KCTD4: variants seen among roughly 807,000 people sequenced by gnomAD.
The protein encoded by KCTD4 is potassium channel tetramerization domain containing 4.
A neutral mutation model predicts 18.3 loss-of-function variants in KCTD4; 12 were observed. That is an observed-to-expected ratio of 0.66 (90% CI 0.42 to 1.06). KCTD4 has a LOEUF of 1.06. Among genes scored for constraint, KCTD4 ranks in the 50% least tolerant of loss-of-function variants. KCTD4 has a pLI of 0.00. For missense variants in KCTD4, 250 were observed against 303.4 expected, an observed-to-expected ratio of 0.82 and a Z score of 1.31; for synonymous variants, 124 against 110.5, an observed-to-expected ratio of 1.12 and a Z score of -0.76.
chr13:45,197,517 A>G (rs939504376), intron 1 of KCTD4, among the ~76,000 whole-genome samples: 29 of 151,254 alleles, frequency 1.9e-4, no homozygotes, highest in African/African-American at 6.3e-4. Context: ...TCCAAAAAAA[A>G]AAAAAAAAAG....
chr13:45,194,519 TC>T lies in KCTD4; in HGVS notation c.48del (p.Lys17AsnfsTer18). 6.2e-7 allele frequency: 1 copy of T among 1,614,142 alleles called. No individual in the cohort carries two copies. Among genetic ancestry groups the T allele is most frequent in the Non-Finnish European group, 8.5e-7 (1 of 1,179,986 alleles). On this transcript the variant is annotated frameshift_variant, in exon 2 of 2. Coordinates refer to ENST00000379108, the MANE Select transcript of KCTD4 (RefSeq NM_198404.3). LOFTEE classifies it high-confidence loss of function. ...TCAGTATCTTCCAGGCTGTTGTGTT[TC>T]CCTTCATACTCCTTTTCTTTTTCTC... ...NRREKEKEYE[G>X]KHNSLEDTDQ...
Position 45,194,039 on chromosome 13 carries a change from T to C in KCTD4, c.529A>G (p.Lys177Glu). Residue 177 changes from lysine to glutamate, a missense_variant, in exon 2 of 2, where the codon AAA becomes GAA. Physicochemically the swap from Lys to Glu is moderately conservative, Grantham distance 56 (BLOSUM62 1). Transcript: ENST00000379108. The part of the protein sequence containing the change: ...KIKSRIVLVS[K>E]SRLDGFPEEF... Reference sequence around the variant, plus strand: ...TCTGGAAATCCATCCAGCCTGCTTTTGGACACCAGAACAATGCGAGACTTT... The same window carrying C: ...TCTGGAAATCCATCCAGCCTGCTTTCGGACACCAGAACAATGCGAGACTTT... 1 of 1,614,182 alleles carries C rather than the reference T, an allele frequency of 6.2e-7. No homozygotes were observed. The highest frequency in any genetic ancestry group is 1.1e-5 in the South Asian group (1 of 91,086).
At chr13:45,200,403 A>C (rs1475076484) in intron 1 of KCTD4, among the ~76,000 whole-genome samples, 2 of 147,630 alleles carry the variant, frequency 1.4e-5, no homozygotes, top group Non-Finnish European at 3.0e-5. Context: ...TCCTGGGCTC[A>C]GGTGATCTTC....
chr13:45,197,935 T>G (rs1007486840), intron 1 of KCTD4, among the ~76,000 whole-genome samples: 1 of 152,226 alleles, frequency 6.6e-6, no homozygotes, highest in South Asian at 2.1e-4. Context: ...CTGGATCCAC[T>G]TGGCCACTAG....
In KCTD4 at chr13:45,194,452, A is replaced by C; in HGVS notation, c.116T>G (p.Val39Gly). 6.2e-7 allele frequency: 1 copy of C among 1,614,066 alleles called. No homozygotes were observed. The highest frequency in any genetic ancestry group is 8.5e-7 in the Non-Finnish European group (1 of 1,179,982). The change falls in exon 2 of 2, where the codon GTT (valine) becomes GGT (glycine). Residue 39 changes from valine (V) to glycine (G), a missense_variant. Physicochemically the swap from Val to Gly is moderately radical, Grantham distance 109. Transcript: ENST00000379108. ...TTGAGTAATGTATAAATATCCACCA[A>C]CGTTGAGGGTCATCAGTGTGGATTT... The part of the protein sequence containing the change: ...NCKSTLMTLN[V>G]GGYLYITQKQ...
chr13:45,198,011 TTCCTAC>T (rs1593486105), intron 1 of KCTD4, among the ~76,000 whole-genome samples: 2 of 152,262 alleles, frequency 1.3e-5, no homozygotes, highest in Non-Finnish European at 2.9e-5. Context: ...GGGGTCCTGT[TTCCTAC>T]TCAGTACCTT....
Position 45,194,254 on chromosome 13 carries a change from C to T in KCTD4, c.314G>A (p.Arg105Gln), listed in dbSNP as rs556514818. 1.3e-5 allele frequency: 21 copies of T among 1,614,102 alleles called. No homozygotes were observed. Among genetic ancestry groups the T allele is most frequent in the South Asian group, 5.5e-5 (5 of 91,082 alleles). ...NGELLLPEGF[R>Q]ENQLLAQEAE... ...TTCTTGTGCAAGAAGTTGATTTTCT[C>T]GAAACCCTTCGGGCAATAGAAGTTC... Residue 105 changes from arginine (R) to glutamine (Q), a missense_variant, in exon 2 of 2, where the codon CGA becomes CAA. Transcript: ENST00000379108.
Position 45,192,866 on chromosome 13 carries a change from C to T in KCTD4, c.*922G>A, listed in dbSNP as rs1872714943. 6.6e-6 allele frequency: 1 copy of T among 152,094 alleles called. No homozygotes were observed. Among genetic ancestry groups the T allele is most frequent in the Non-Finnish European group, 1.5e-5 (1 of 68,014 alleles). 9.4% of individuals were successfully genotyped at this position (152,094 alleles called of 1,614,324 possible). A position where few individuals can be genotyped will look rare whatever the true frequency, so the allele number is the denominator to read the frequency against. ...TACTTAGGATGATTCTGAAAATGAA[C>T]TCCTTTATTATTCTAATAACAGATA... On this transcript the variant is annotated 3_prime_UTR_variant, in exon 2 of 2. Coordinates refer to ENST00000379108, the MANE Select transcript of KCTD4 (RefSeq NM_198404.3).
intron 1 of KCTD4, among the ~76,000 whole-genome samples, chr13:45,195,668 T>A (rs1316276872): frequency 6.6e-6 from 1 of 152,140 alleles, no homozygotes; most frequent in Admixed American, 6.5e-5. Flanking sequence ...CCCTATAACT[T>A]CCCTTCCAAA....
chr13:45,199,696 A>T (rs908015889), intron 1 of KCTD4, among the ~76,000 whole-genome samples: 1 of 152,234 alleles, frequency 6.6e-6, no homozygotes, highest in African/African-American at 2.4e-5. Context: ...TGGGAAGAAG[A>T]TATTTTAAGC....
rs902147734 is a variant in KCTD4, at chr13:45,199,247, T to C, written c.-188+1577A>G. Among the ~76,000 whole-genome samples, 24 of 152,328 alleles carry C rather than the reference T, an allele frequency of 1.6e-4. No individual in the cohort carries two copies. The South Asian group carries it at 2.5e-3, about 16-fold the overall frequency. ...GGAAGCCCAGGAAAATTGCCTACAT[T>C]GGTAAATGTTTTAGCTTCATTTGAG... is the stretch of plus-strand genomic sequence containing the variant. On this transcript the variant is annotated intron_variant, in intron 1 of 1. Transcript: ENST00000379108.
chr13:45,195,360 A>G lies in KCTD4; in HGVS notation c.-187-606T>C, dbSNP rs150196128. On this transcript the variant is annotated intron_variant, in intron 1 of 1. Transcript: ENST00000379108. ...GCTTAAGATTTTCTGTGGAAAATTCATGAACTTGTTTCACTCGGAGCCTGC... is the reference window on the plus strand; with the variant it reads ...GCTTAAGATTTTCTGTGGAAAATTCGTGAACTTGTTTCACTCGGAGCCTGC... Among the ~76,000 whole-genome samples the G allele has an allele frequency of 2.2e-3, 338 of 152,242 alleles. 5 individuals carry two copies. Among genetic ancestry groups the G allele is most frequent in the African/African-American group, 7.7e-3 (319 of 41,530 alleles).
intron 1 of KCTD4, among the ~76,000 whole-genome samples, chr13:45,198,067 C>T (rs1234893209): frequency 1.3e-5 from 2 of 152,228 alleles, no homozygotes; most frequent in Non-Finnish European, 2.9e-5. Context: ...TCTTAGACAG[C>T]TTTAATCATA....
chr13:45,193,759 C>A lies in KCTD4; in HGVS notation c.*29G>T. On this transcript the variant is annotated 3_prime_UTR_variant, in exon 2 of 2. Transcript: ENST00000379108. ...TTTTCCGAAGCTTGCTGGCTGCATG[C>A]TTGTTGCCTTTGTTCGTGACACAGG... 6.5e-7 allele frequency: 1 copy of A among 1,544,158 alleles called. No homozygotes were observed. The highest frequency in any genetic ancestry group is 1.3e-5 in the South Asian group (1 of 78,654).
Position 45,194,766 on chromosome 13 carries a change from C to G in KCTD4, c.-187-12G>C. ...TATGCAGGAGCTTTCTGGAGTAAGA[C>G]GGAAAAGAGAATTTGCATTTAACTG... On this transcript the variant is annotated splice_polypyrimidine_tract_variant and intron_variant, in intron 1 of 1. Transcript: ENST00000379108. 1 of 572,720 alleles carries G rather than the reference C, an allele frequency of 1.7e-6. No homozygotes were observed. The highest frequency in any genetic ancestry group is 3.1e-6 in the Non-Finnish European group (1 of 318,994). 35.5% of individuals were successfully genotyped at this position (572,720 alleles called of 1,614,324 possible).
At position 45,193,316 on chromosome 13, in the gene KCTD4, C is replaced by T. The variant is rs1872728730; in HGVS notation, c.*472G>A. 6.5e-6 allele frequency: 1 copy of T among 154,036 alleles called. No individual in the cohort carries two copies. Among genetic ancestry groups the T allele is most frequent in the African/African-American group, 2.4e-5 (1 of 41,474 alleles). The allele number at this position is 154,036 out of a possible 1,614,324, so 9.5% of individuals were successfully genotyped here. ...TAGCTCTGTTTTAGTTAGATCTGCA[C>T]ATCTGTTTTGCTCCAGGTAGTTAAT... On this transcript the variant is annotated 3_prime_UTR_variant, in exon 2 of 2. Coordinates refer to ENST00000379108, the MANE Select transcript of KCTD4 (RefSeq NM_198404.3).
In KCTD4 at chr13:45,198,766, C is replaced by CTT. The variant is rs200723716; in HGVS notation, c.-188+2056_-188+2057dup. Among the ~76,000 whole-genome samples the CTT allele has an allele frequency of 4.0e-5, 6 of 150,306 alleles. No individual in the cohort carries two copies. In the South Asian group the frequency reaches 1.3e-3, roughly 32 times the overall value. ...CCTCTGCCTTTCACAAGCTGAGTTT[C>CTT]TTTTTTTTTAACATGTACTTGCTTC... On this transcript the variant is annotated intron_variant, in intron 1 of 1. Coordinates refer to ENST00000379108, the MANE Select transcript of KCTD4 (RefSeq NM_198404.3).
chr13:45,197,563 A>G lies in KCTD4; in HGVS notation c.-187-2809T>C, dbSNP rs548803974. 3.3e-5 allele frequency among the ~76,000 whole-genome samples: 5 copies of G among 151,652 alleles called. No homozygotes were observed. The South Asian group carries it at 8.3e-4, about 25-fold the overall frequency. On this transcript the variant is annotated intron_variant, in intron 1 of 1. Transcript: ENST00000379108. ...GGCCCCGCTGTATGCCTAATACTCC[A>G]TATTACCTCCAGCAAAGCAAGATGA...
intron 1 of KCTD4, among the ~76,000 whole-genome samples, chr13:45,197,555 A>G (rs1008148631): frequency 4.0e-5 from 6 of 151,610 alleles, no homozygotes; most frequent in African/African-American, 1.2e-4. Context: ...CTGTATGCCT[A>G]ATACTCCATA....
Sources: allele counts gnomAD v4.1 joint callset (sites outside exome capture counted in the v4.1 genomes callset), GRCh38; gene constraint gnomAD v4.1.1; transcripts MANE v1.5; gene names NCBI Gene and HGNC (gene_info 2026-07-23, HGNC 2026-07-21).